Variants in SOCS2 observed in about 807,000 individuals in gnomAD.
The protein encoded by SOCS2 is suppressor of cytokine signaling 2, also known as CIS-2.
Under a neutral mutation model 18.6 loss-of-function variants are expected in SOCS2, and 10 were observed. The ratio of observed to expected loss-of-function variants is 0.54; its 90% CI spans 0.33 to 0.91. The LOEUF is 0.91. Ranked by LOEUF, SOCS2 falls within the 40% of genes least tolerant of loss-of-function variation. SOCS2 has a pLI of 0.02. For missense variants in SOCS2, 231 were observed against 247.2 expected (o/e 0.93, Z 0.44); for synonymous variants, 104 against 104.0 (o/e 1.00, Z 0.00).
chr12:93,614,478 CCTTTCCTTCCTTCCTT>C, the SOCS2 span, among the ~76,000 whole-genome samples: 2 of 49,424 alleles, frequency 4.0e-5, no homozygotes, highest in Non-Finnish European at 6.7e-5. Flanking sequence ...TTCCTTCCTT[CCTTTCCTTCCTTCCTT>C]CCTTCCTTCC....
downstream of SOCS2, among the ~76,000 whole-genome samples, chr12:93,577,149 T>G (rs906346008): frequency 2.6e-5 from 4 of 152,208 alleles, no homozygotes; most frequent in African/African-American, 9.6e-5. Flanking sequence ...GAGGCAGTTG[T>G]GAGGCATGAG....
downstream of SOCS2, among the ~76,000 whole-genome samples, chr12:93,583,832 C>T (rs1435238484): frequency 3.9e-5 from 6 of 152,146 alleles, no homozygotes; most frequent in East Asian, 1.2e-3. Context: ...CTGAAAGTTC[C>T]CCACAAACAT....
chr12:93,591,984 T>C, the SOCS2 span, among the ~76,000 whole-genome samples: 1 of 152,172 alleles, frequency 6.6e-6, no homozygotes, highest in South Asian at 2.1e-4. Context: ...TACAACCTCT[T>C]CTTAGGAGCT....
downstream of SOCS2, among the ~76,000 whole-genome samples, chr12:93,580,901 T>A (rs1023647301): frequency 6.6e-6 from 1 of 152,332 alleles, no homozygotes; most frequent in South Asian, 2.1e-4. Flanking sequence ...GACTGGGGAA[T>A]AGTAGAAGCC....
chr12:93,588,901 C>G, the SOCS2 span, among the ~76,000 whole-genome samples: 1 of 152,120 alleles, frequency 6.6e-6, no homozygotes, highest in Non-Finnish European at 1.5e-5. Context: ...GGATTACAGG[C>G]GTGAGCCACC....
At chr12:93,571,033 G>C (rs1355584516), upstream of SOCS2, 2 of 154,296 alleles carry the variant, frequency 1.3e-5, no homozygotes, top group Non-Finnish European at 2.9e-5. Context: ...TCCTGGGACC[G>C]ACGTTTAACT....
chr12:93,614,923 T>A, the SOCS2 span, among the ~76,000 whole-genome samples: 1 of 149,716 alleles, frequency 6.7e-6, no homozygotes. Context: ...GCCTTGTATG[T>A]AGCAATTTTC....
chr12:93,571,650 G>T (rs1006877134), upstream of SOCS2: 45 of 222,068 alleles, frequency 2.0e-4, no homozygotes, highest in Non-Finnish European at 3.5e-4. Flanking sequence ...GCCGCGCGGT[G>T]GGGGATGGGG....
At chr12:93,613,562 TCA>T in the SOCS2 span, among the ~76,000 whole-genome samples, 1 of 152,168 alleles carries the variant, frequency 6.6e-6, no homozygotes, top group African/African-American at 2.4e-5. Flanking sequence ...GTTAACCAGC[TCA>T]CAGAGACGGG....
chr12:93,575,238 A>G lies in SOCS2; in HGVS notation c.*59A>G, dbSNP rs1565841861. ...AGTATCTCCGAATGCAGCTATGTAA[A>G]AGAGAACCAAAACTTGAGTGCTCTG... On this transcript the variant is annotated 3_prime_UTR_variant, in exon 2 of 2. Transcript: ENST00000551556. 2 of 1,264,328 alleles carry G rather than the reference A, an allele frequency of 1.6e-6. No individual in the cohort carries two copies. The highest frequency in any genetic ancestry group is 2.2e-6 in the Non-Finnish European group (2 of 929,868). 78.3% of individuals were successfully genotyped at this position (1,264,328 alleles called of 1,614,324 possible).
At chr12:93,600,101 A>C in the SOCS2 span, among the ~76,000 whole-genome samples, 1 of 152,190 alleles carries the variant, frequency 6.6e-6, no homozygotes, top group Admixed American at 6.5e-5. Flanking sequence ...AATATATTCA[A>C]GTTGTGCTTT....
At chr12:93,602,485 T>C in the SOCS2 span, among the ~76,000 whole-genome samples, 1 of 152,310 alleles carries the variant, frequency 6.6e-6, no homozygotes, top group Middle Eastern at 3.4e-3. Context: ...CTGTACAACA[T>C]ATCGGCATGA....
chr12:93,608,791 G>A, the SOCS2 span, among the ~76,000 whole-genome samples: 8 of 151,974 alleles, frequency 5.3e-5, no homozygotes, highest in African/African-American at 1.7e-4. Flanking sequence ...CATCCCACTC[G>A]GTGCAACATC....
At chr12:93,607,507 C>A in the SOCS2 span, among the ~76,000 whole-genome samples, 5 of 152,152 alleles carry the variant, frequency 3.3e-5, no homozygotes, top group Non-Finnish European at 5.9e-5. Context: ...CACAAGATAC[C>A]TGCTGTAGCC....
At chr12:93,582,157 G>A (rs1954548791) in intron 1 of SOCS2, among the ~76,000 whole-genome samples, 1 of 152,208 alleles carries the variant, frequency 6.6e-6, no homozygotes, top group African/African-American at 2.4e-5. Context: ...GGTATCTTGT[G>A]TCTGAGTGTT....
At chr12:93,612,848 T>C in the SOCS2 span, among the ~76,000 whole-genome samples, 3 of 152,326 alleles carry the variant, frequency 2.0e-5, no homozygotes, top group East Asian at 5.8e-4. Flanking sequence ...CACGGGAATT[T>C]CTTGGGTTTC....
At chr12:93,605,707 G>C in the SOCS2 span, among the ~76,000 whole-genome samples, 1 of 152,132 alleles carries the variant, frequency 6.6e-6, no homozygotes, top group Admixed American at 6.5e-5. Context: ...TCAGGTAATG[G>C]GGAAAAAACA....
chr12:93,582,655 T>A (rs554261123), intron 1 of SOCS2, among the ~76,000 whole-genome samples: 1 of 152,310 alleles, frequency 6.6e-6, no homozygotes, highest in South Asian at 2.1e-4. Flanking sequence ...GCACAGATTC[T>A]CTTCTCAGGA....
the SOCS2 span, among the ~76,000 whole-genome samples, chr12:93,591,820 A>G: frequency 6.6e-6 from 1 of 152,096 alleles, no homozygotes; most frequent in Non-Finnish European, 1.5e-5. Flanking sequence ...GCTGGGTGCA[A>G]TGTTTTTGCC....
Sources: allele counts gnomAD v4.1 joint callset (sites outside exome capture counted in the v4.1 genomes callset), GRCh38; gene constraint gnomAD v4.1.1; transcripts MANE v1.5; gene names NCBI Gene and HGNC (gene_info 2026-07-23, HGNC 2026-07-21).